ANKFN1: variants seen among roughly 807,000 people sequenced by gnomAD.
ANKFN1 encodes ankyrin repeat and fibronectin type-III domain-containing protein 1.
A neutral mutation model predicts 108.7 loss-of-function variants in ANKFN1; 74 were observed. The observed-to-expected ratio is 0.68, with a 90% CI of 0.56 to 0.83. The LOEUF is 0.83. Among genes scored for constraint, ANKFN1 ranks in the 40% least tolerant of loss-of-function variants. The pLI, the probability that ANKFN1 is intolerant of heterozygous loss-of-function variation, is 0.00. For missense variants in ANKFN1, 1,505 were observed against 1,382.3 expected (o/e 1.09, Z -1.41); for synonymous variants, 547 against 516.2 (o/e 1.06, Z -0.81).
chr17:56,245,578 A>G (rs1007615233), intron 3 of ANKFN1: 4 of 152,176 alleles, frequency 2.6e-5, no homozygotes, highest in Non-Finnish European at 5.9e-5. Context: ...CTAAAATTTC[A>G]TCAGTAATAT....
At chr17:56,326,186 G>A (rs2045510421) in intron 3 of ANKFN1, 35 bp from the exon 4 acceptor site, 2 of 1,593,754 alleles carry the variant, frequency 1.3e-6, no homozygotes, top group Non-Finnish European at 1.7e-6. Flanking sequence ...GCTCTTGCCT[G>A]TAGTGATCCT....
intron 3 of ANKFN1, among the ~76,000 whole-genome samples, chr17:56,296,170 G>T (rs912858245): frequency 6.6e-6 from 1 of 151,890 alleles, no homozygotes; most frequent in Non-Finnish European, 1.5e-5. Flanking sequence ...ACCTGCACAT[G>T]TTCCCTGTGA....
chr17:56,390,027 T>A (rs1257539833), intron 8 of ANKFN1, among the ~76,000 whole-genome samples: 3 of 152,058 alleles, frequency 2.0e-5, no homozygotes, highest in African/African-American at 4.8e-5. Context: ...CTTTTTTTTT[T>A]ATTTTTTATT....
intron 3 of ANKFN1, among the ~76,000 whole-genome samples, chr17:56,272,687 G>A (rs2043823263): frequency 2.0e-5 from 3 of 152,198 alleles, no homozygotes. Flanking sequence ...ATATCCACAA[G>A]TGGAATTGCT....
chr17:56,329,116 G>A (rs1434279850), intron 4 of ANKFN1, among the ~76,000 whole-genome samples: 1 of 152,026 alleles, frequency 6.6e-6, no homozygotes, highest in Non-Finnish European at 1.5e-5. Flanking sequence ...TTCCTTCAAA[G>A]TCTCCAATGC....
intron 1 of ANKFN1, among the ~76,000 whole-genome samples, chr17:56,178,437 T>C (rs1911377651): frequency 6.6e-6 from 1 of 152,222 alleles, no homozygotes; most frequent in Non-Finnish European, 1.5e-5. Context: ...CCTGAATACA[T>C]AGAGTGCTAA....
At chr17:56,460,356 C>T (rs547555312) in intron 14 of ANKFN1, among the ~76,000 whole-genome samples, 5 of 152,096 alleles carry the variant, frequency 3.3e-5, no homozygotes, top group African/African-American at 1.2e-4. Flanking sequence ...AGGAGTCTGA[C>T]GTGGGAGGAT....
chr17:56,263,777 C>G (rs556166523), intron 3 of ANKFN1, among the ~76,000 whole-genome samples: 2 of 152,342 alleles, frequency 1.3e-5, no homozygotes, highest in African/African-American at 4.8e-5. Flanking sequence ...AAGCATCCAA[C>G]TGTTTATTTG....
intron 5 of ANKFN1, among the ~76,000 whole-genome samples, chr17:56,352,293 T>C (rs1370703039): frequency 1.3e-5 from 2 of 152,220 alleles, no homozygotes; most frequent in African/African-American, 4.8e-5. Flanking sequence ...ATTTCAATTT[T>C]GTGTTATGTA....
chr17:56,140,881 T>G (rs1907879141), intron 4 of ANKFN1, among the ~76,000 whole-genome samples: 1 of 152,222 alleles, frequency 6.6e-6, no homozygotes. Context: ...TGTTGTCGCT[T>G]ACACTCCCAA....
At chr17:56,422,785 T>G (rs760825142) in intron 8 of ANKFN1, among the ~76,000 whole-genome samples, 1 of 151,676 alleles carries the variant, frequency 6.6e-6, no homozygotes, top group Non-Finnish European at 1.5e-5. Flanking sequence ...TGTTTTAGCA[T>G]TTTCCACTAA....
At chr17:56,157,181 A>G (rs543709935) in intron 1 of ANKFN1, among the ~76,000 whole-genome samples, 2 of 152,242 alleles carry the variant, frequency 1.3e-5, no homozygotes, top group South Asian at 4.2e-4. Flanking sequence ...GGGGACAGCA[A>G]AGGGAGAGGA....
chr17:56,453,414 ATAAT>A (rs2145217197), intron 11 of ANKFN1, among the ~76,000 whole-genome samples: 1 of 152,286 alleles, frequency 6.6e-6, no homozygotes, highest in South Asian at 2.1e-4. Context: ...TATGGCTATA[ATAAT>A]TAATCCCCAA....
rs149647767 is a variant in ANKFN1 at position 56,513,062 on chromosome 17, A to G, written c.*1793A>G. On this transcript the variant is annotated 3_prime_UTR_variant, in exon 21 of 21. Transcript: ENST00000682825. The stretch of plus-strand genomic sequence containing the variant: ...AATTTATCTAAGTCCGTGGGTTTGC[A>G]GGTAGGGCAATTAAGACCCAGAGAG... 5.3e-5 allele frequency among the ~76,000 whole-genome samples: 8 copies of G among 152,338 alleles called. No individual in the cohort carries two copies. The highest frequency in any genetic ancestry group is 8.8e-5 in the Non-Finnish European group (6 of 68,046).
intron 8 of ANKFN1, among the ~76,000 whole-genome samples, chr17:56,377,803 G>C (rs1052418242): frequency 6.6e-6 from 1 of 152,178 alleles, no homozygotes; most frequent in Admixed American, 6.5e-5. Flanking sequence ...AAGAGGTGCA[G>C]TACAAAACCT....
At chr17:56,210,587 G>GT in intron 1 of ANKFN1, among the ~76,000 whole-genome samples, 1 of 151,454 alleles carries the variant, frequency 6.6e-6, no homozygotes, top group Non-Finnish European at 1.5e-5. Flanking sequence ...GGATAGGATT[G>GT]TTTTTTTCTT....
At chr17:56,396,065 G>T (rs1418900147) in intron 8 of ANKFN1, among the ~76,000 whole-genome samples, 1 of 152,130 alleles carries the variant, frequency 6.6e-6, no homozygotes, top group Non-Finnish European at 1.5e-5. Context: ...ACAAAAAAAT[G>T]CTTGATGTCA....
In ANKFN1 at chr17:56,144,172, A is replaced by AC. The variant is rs1908103953; in HGVS notation, c.289-83745_289-83744insC. Among the ~76,000 whole-genome samples, 9 of 119,220 alleles carry AC rather than the reference A, an allele frequency of 7.5e-5. No homozygotes were observed. In the South Asian group the frequency reaches 2.8e-3, roughly 37 times the overall value. 78.2% of individuals were successfully genotyped at this position (119,220 alleles called of 152,430 possible). ...GGCGCATCTGAAAAAAAAAAAAAAA[A>AC]AAAAAAAAAAAAACAGCCCAAACCA... is the stretch of plus-strand genomic sequence containing the variant. On this transcript the variant is annotated intron_variant, in intron 4 of 12. Transcript: ENST00000635860.
intron 3 of ANKFN1, among the ~76,000 whole-genome samples, chr17:56,244,378 G>T (rs1218000130): frequency 2.0e-5 from 3 of 152,068 alleles, no homozygotes; most frequent in Non-Finnish European, 4.4e-5. Context: ...CATTCCCTGT[G>T]TGCTGGTACC....
Sources: gnomAD v4.1 joint callset for allele counts (sites outside exome capture counted in the v4.1 genomes callset) on GRCh38, gnomAD v4.1.1 for gene constraint, MANE v1.5 for transcripts, NCBI Gene and HGNC (gene_info 2026-07-23, HGNC 2026-07-21) for gene names.